Variants in TMEM178B observed in about 807,000 individuals in gnomAD.
TMEM178B encodes the protein transmembrane protein 178B.
In TMEM178B, 5 loss-of-function variants were observed where a neutral mutation model predicts 31.0. The ratio of observed to expected loss-of-function variants is 0.16; its 90% CI spans 0.08 to 0.34. TMEM178B has a LOEUF of 0.34. Ranked by LOEUF, TMEM178B falls within the 10% of genes least tolerant of loss-of-function variation. The pLI, the probability that TMEM178B is intolerant of heterozygous loss-of-function variation, is 1.00. For missense variants in TMEM178B, 275 were observed against 400.3 expected (o/e 0.69, Z 2.67); for synonymous variants, 164 against 164.0 (o/e 1.00, Z 0.00).
intron 1 of TMEM178B, among the ~76,000 whole-genome samples, chr7:141,115,426 G>A (rs1188089512): frequency 6.6e-6 from 1 of 152,122 alleles, no homozygotes; most frequent in African/African-American, 2.4e-5. Flanking sequence ...GAAAAGCCGG[G>A]TGGGGCCTAG....
chr7:141,320,330 C>T (rs1227109748), intron 2 of TMEM178B, among the ~76,000 whole-genome samples: 2 of 152,150 alleles, frequency 1.3e-5, no homozygotes, highest in Admixed American at 1.3e-4. Flanking sequence ...AGGGGCTCAG[C>T]ACAACGTATG....
rs548454975 is a variant in TMEM178B, at chr7:141,405,154, C to T, written c.497-32454C>T. On this transcript the variant is annotated intron_variant, in intron 2 of 3. Coordinates refer to ENST00000565468, the MANE Select transcript of TMEM178B (RefSeq NM_001195278.2). ...CTCTCCTACTTGAACCACAGCCAGA[C>T]GTAGAGGCCTTGAGTACTAATCCAG... 1.3e-3 allele frequency among the ~76,000 whole-genome samples: 194 copies of T among 152,328 alleles called. 1 individual carries two copies. Among genetic ancestry groups the T allele is most frequent in the Middle Eastern group, 3.4e-3 (1 of 294 alleles).
chr7:141,306,387 T>C (rs1399177666), intron 2 of TMEM178B, among the ~76,000 whole-genome samples: 1 of 152,156 alleles, frequency 6.6e-6, no homozygotes, highest in Non-Finnish European at 1.5e-5. Flanking sequence ...GTGTTAATAA[T>C]GCACATGGGA....
At chr7:141,405,960 A>G (rs766900470) in intron 2 of TMEM178B, among the ~76,000 whole-genome samples, 1 of 152,198 alleles carries the variant, frequency 6.6e-6, no homozygotes, top group Non-Finnish European at 1.5e-5. Context: ...CCATTGCTAC[A>G]GGACACAGAG....
chr7:141,208,057 G>C (rs970074471), intron 1 of TMEM178B, among the ~76,000 whole-genome samples: 2 of 152,118 alleles, frequency 1.3e-5, no homozygotes, highest in Non-Finnish European at 2.9e-5. Context: ...ACTGGACATG[G>C]TGGCATGTGC....
At chr7:141,342,029 C>T (rs373382820) in intron 2 of TMEM178B, among the ~76,000 whole-genome samples, 1 of 152,190 alleles carries the variant, frequency 6.6e-6, no homozygotes, top group East Asian at 1.9e-4. Flanking sequence ...CTCACTGCAA[C>T]CTCCGCCTCC....
At chr7:141,223,115 G>A (rs1797281959) in intron 2 of TMEM178B, among the ~76,000 whole-genome samples, 1 of 152,140 alleles carries the variant, frequency 6.6e-6, no homozygotes, top group African/African-American at 2.4e-5. Flanking sequence ...CGTTTGCTAT[G>A]ATCAGATCCT....
At chr7:141,288,256 G>C (rs1428037760) in intron 2 of TMEM178B, among the ~76,000 whole-genome samples, 1 of 151,710 alleles carries the variant, frequency 6.6e-6, no homozygotes, top group Non-Finnish European at 1.5e-5. Flanking sequence ...GACCTTTCAT[G>C]ATCTTTCTTG....
At chr7:141,293,899 A>G (rs1798588297) in intron 2 of TMEM178B, among the ~76,000 whole-genome samples, 1 of 152,198 alleles carries the variant, frequency 6.6e-6, no homozygotes, top group Admixed American at 6.5e-5. Context: ...AACGTAGGAA[A>G]CCCAAAAGAA....
chr7:141,435,375 C>T (rs1460350949), intron 2 of TMEM178B, among the ~76,000 whole-genome samples: 1 of 144,646 alleles, frequency 6.9e-6, no homozygotes, highest in Non-Finnish European at 1.6e-5. Flanking sequence ...CACCTTTTGG[C>T]CCTTGAAGAT....
At chr7:141,174,424 G>A (rs541510184) in intron 1 of TMEM178B, among the ~76,000 whole-genome samples, 44 of 152,250 alleles carry the variant, frequency 2.9e-4, no homozygotes, top group African/African-American at 9.6e-4. Flanking sequence ...ATAAACATAA[G>A]TGCGCATGTG....
At chr7:141,491,594 G>A in the TMEM178B span, among the ~76,000 whole-genome samples, 3 of 152,086 alleles carry the variant, frequency 2.0e-5, no homozygotes, top group South Asian at 2.1e-4. Flanking sequence ...TCCATTTTTC[G>A]AGCATTTACT....
intron 1 of TMEM178B, among the ~76,000 whole-genome samples, chr7:141,146,003 T>C (rs1795844468): frequency 6.6e-6 from 1 of 152,190 alleles, no homozygotes; most frequent in Non-Finnish European, 1.5e-5. Flanking sequence ...GGAAGGGATT[T>C]CTTATTTGTT....
Position 141,185,189 on chromosome 7 carries a change from G to A in TMEM178B, c.383-27402G>A, listed in dbSNP as rs1796589575. ...GAAGCCCCAGTGGGCGTGTGTTACA[G>A]GGTGCTCTTTAGTTTAGCCGTCCGT... is the stretch of plus-strand genomic sequence containing the variant. On this transcript the variant is annotated intron_variant, in intron 1 of 3. Transcript: ENST00000565468. 2.0e-5 allele frequency among the ~76,000 whole-genome samples: 3 copies of A among 152,202 alleles called. 1 individual carries two copies. The South Asian group carries it at 6.2e-4, about 31-fold the overall frequency.
chr7:141,468,869 C>T (rs1586981270), intron 3 of TMEM178B, among the ~76,000 whole-genome samples: 1 of 152,152 alleles, frequency 6.6e-6, no homozygotes, highest in Admixed American at 6.5e-5. Flanking sequence ...CTTGAGGTGG[C>T]GGCGTCTGAT....
chr7:141,220,478 C>T (rs1377640087), intron 2 of TMEM178B, among the ~76,000 whole-genome samples: 2 of 151,466 alleles, frequency 1.3e-5, no homozygotes, highest in African/African-American at 4.9e-5. Context: ...AGGGCGCCCT[C>T]TACATGGATA....
At chr7:141,151,926 C>A (rs529234101) in intron 1 of TMEM178B, among the ~76,000 whole-genome samples, 1 of 152,136 alleles carries the variant, frequency 6.6e-6, no homozygotes, top group African/African-American at 2.4e-5. Context: ...CCAGGATTCA[C>A]GGGTGCAGCC....
chr7:141,166,752 T>G (rs1347467961), intron 1 of TMEM178B, among the ~76,000 whole-genome samples: 2 of 152,140 alleles, frequency 1.3e-5, no homozygotes, highest in African/African-American at 4.8e-5. Flanking sequence ...GCCTTTGGGT[T>G]TTTAGTTTTG....
chr7:141,423,887 C>G (rs371616812), intron 2 of TMEM178B, among the ~76,000 whole-genome samples: 2 of 147,052 alleles, frequency 1.4e-5, no homozygotes, highest in Non-Finnish European at 3.0e-5. Context: ...TGGCTCACTG[C>G]AACCTCCACC....
Sources: allele counts gnomAD v4.1 joint callset (sites outside exome capture counted in the v4.1 genomes callset), GRCh38; gene constraint gnomAD v4.1.1; transcripts MANE v1.5; gene names NCBI Gene and HGNC (gene_info 2026-07-23, HGNC 2026-07-21).